SLC25A13: variants seen among roughly 807,000 people sequenced by gnomAD.
The protein encoded by SLC25A13 is electrogenic aspartate/glutamate antiporter SLC25A13, mitochondrial.
In SLC25A13, 70 loss-of-function variants were observed where a neutral mutation model predicts 85.5. That is an observed-to-expected ratio of 0.82 (90% CI 0.68 to 1.00). The LOEUF is 1.00. Among genes scored for constraint, SLC25A13 ranks in the 50% least tolerant of loss-of-function variants. The pLI is 0.00. For missense variants in SLC25A13, 765 were observed against 819.8 expected, an observed-to-expected ratio of 0.93 and a Z score of 0.82; for synonymous variants, 259 against 288.7, an observed-to-expected ratio of 0.90 and a Z score of 1.04.
chr7:96,320,047 C>T (rs1322363491), intron 1 of SLC25A13, among the ~76,000 whole-genome samples: 3 of 152,184 alleles, frequency 2.0e-5, no homozygotes, highest in Admixed American at 2.0e-4. Context: ...CTCTGTTGCC[C>T]AGACTGGAGT....
At chr7:96,214,620 A>C (rs1484350895) in intron 4 of SLC25A13, among the ~76,000 whole-genome samples, 1 of 152,002 alleles carries the variant, frequency 6.6e-6, no homozygotes, top group Non-Finnish European at 1.5e-5. Flanking sequence ...CCAGCTACTC[A>C]GGAGGCTGAG....
At position 96,138,398 on chromosome 7, in the gene SLC25A13, CTTTTTTT is replaced by C. The variant is rs751447641; in HGVS notation, c.1453-6524_1453-6518del. ...CAATTTGTTGCATTTTTTTCTTTTTCTTTTTTTTTTTTTTTGAAACAGAGTCTTGCTC... is the reference window on the plus strand; with the variant it reads ...CAATTTGTTGCATTTTTTTCTTTTTCTTTTTTTTGAAACAGAGTCTTGCTC... On this transcript the variant is annotated intron_variant, in intron 14 of 17. Transcript: ENST00000265631. Among the ~76,000 whole-genome samples the C allele has an allele frequency of 1.2e-4, 17 of 139,578 alleles. 1 individual carries two copies. The highest frequency in any genetic ancestry group is 4.3e-4 in the Admixed American group (6 of 13,898). 91.6% of individuals were successfully genotyped at this position (139,578 alleles called of 152,430 possible). A position where few individuals can be genotyped will look rare whatever the true frequency, so the allele number is the denominator to read the frequency against.
intron 3 of SLC25A13, among the ~76,000 whole-genome samples, chr7:96,235,763 G>C (rs532453039): frequency 2.6e-4 from 39 of 152,308 alleles, no homozygotes; most frequent in African/African-American, 8.7e-4. Context: ...CTTGAAGAAA[G>C]AAAAGGGCCT....
At chr7:96,153,472 A>G (rs1183398199) in intron 13 of SLC25A13, among the ~76,000 whole-genome samples, 2 of 152,218 alleles carry the variant, frequency 1.3e-5, no homozygotes, top group Non-Finnish European at 2.9e-5. Flanking sequence ...AACAGGTTAG[A>G]AGGTACAGCA....
chr7:96,267,436 T>G lies in SLC25A13; in HGVS notation c.212+9760A>C, dbSNP rs538169918. The stretch of plus-strand genomic sequence containing the variant: ...TTCTAAACTTTAGATTTCTTTTTCA[T>G]CTTTTCTTCTTTGATGCCTTTATTC... On this transcript the variant is annotated intron_variant, in intron 3 of 17. Transcript: ENST00000265631. Among the ~76,000 whole-genome samples, 3 of 152,334 alleles carry G rather than the reference T, an allele frequency of 2.0e-5. No individual in the cohort carries two copies. The South Asian group carries it at 6.2e-4, about 32-fold the overall frequency.
In SLC25A13 at chr7:96,136,591, C is replaced by CA. The variant is rs1221329055; in HGVS notation, c.1453-4711dup. 3.9e-5 allele frequency among the ~76,000 whole-genome samples: 6 copies of CA among 152,108 alleles called. No individual in the cohort carries two copies. In the East Asian group the frequency reaches 1.2e-3, roughly 29 times the overall value. On this transcript the variant is annotated intron_variant, in intron 14 of 17. Coordinates refer to ENST00000265631, the MANE Select transcript of SLC25A13 (RefSeq NM_014251.3). ...TGGTAAATCACCTGCCCAATCAATC[C>CA]AAAGTGGGGAAAAAACCAGTCCTGA...
At chr7:96,301,746 A>T (rs1479699463) in intron 1 of SLC25A13, among the ~76,000 whole-genome samples, 1 of 151,694 alleles carries the variant, frequency 6.6e-6, no homozygotes, top group Non-Finnish European at 1.5e-5. Flanking sequence ...CTCCCACCTC[A>T]GCCTCCTGAG....
intron 3 of SLC25A13, among the ~76,000 whole-genome samples, chr7:96,251,081 T>C: frequency 6.6e-6 from 1 of 151,846 alleles, no homozygotes; most frequent in East Asian, 1.9e-4. Flanking sequence ...CCCACATGTA[T>C]TATACAAGAT....
intron 3 of SLC25A13, among the ~76,000 whole-genome samples, chr7:96,270,372 A>G (rs905635011): frequency 3.3e-5 from 5 of 152,190 alleles, no homozygotes; most frequent in African/African-American, 1.2e-4. Context: ...CCTGGCCAAC[A>G]TGGTAAAACA....
At chr7:96,181,813 T>A (rs983288864) in intron 11 of SLC25A13, among the ~76,000 whole-genome samples, 1 of 152,198 alleles carries the variant, frequency 6.6e-6, no homozygotes, top group Non-Finnish European at 1.5e-5. Context: ...TATTGCTAGG[T>A]GAAAGCATTA....
chr7:96,159,808 G>A (rs1483986343), intron 13 of SLC25A13, among the ~76,000 whole-genome samples: 1 of 152,126 alleles, frequency 6.6e-6, no homozygotes, highest in Non-Finnish European at 1.5e-5. Flanking sequence ...TGGATTCTGA[G>A]AAAGATACCA....
chr7:96,171,501 C>A lies in SLC25A13; in HGVS notation c.1201G>T (p.Val401Phe). ...AGTTTTATGGCCTTCTCTGGGGCAA[C>A]TCCCAATAACTGTGGCAACAGACCT... ...YRGLLPQLLG[V>F]APEKAIKLTV... The change falls in exon 12 of 18, where the codon GTT becomes TTT. Residue 401 changes from valine (V) to phenylalanine (F), a missense_variant. Val to Phe is a conservative substitution (Grantham distance 50). Transcript: ENST00000265631. 6.2e-7 allele frequency: 1 copy of A among 1,613,420 alleles called. No individual in the cohort carries two copies.
At chr7:96,240,303 C>A (rs1796920085) in intron 3 of SLC25A13, among the ~76,000 whole-genome samples, 1 of 152,016 alleles carries the variant, frequency 6.6e-6, no homozygotes, top group African/African-American at 2.4e-5. Context: ...ACACATGACA[C>A]CAGAAGGAAG....
chr7:96,269,355 A>G (rs1021274344), intron 3 of SLC25A13, among the ~76,000 whole-genome samples: 2 of 152,192 alleles, frequency 1.3e-5, no homozygotes, highest in Non-Finnish European at 2.9e-5. Flanking sequence ...AGGCATTTAA[A>G]TTCCCTGCCC....
intron 3 of SLC25A13, among the ~76,000 whole-genome samples, chr7:96,260,329 A>G (rs1394235884): frequency 6.6e-6 from 1 of 152,148 alleles, no homozygotes; most frequent in East Asian, 1.9e-4. Flanking sequence ...GATCATATCA[A>G]AAAGGACAAA....
intron 13 of SLC25A13, among the ~76,000 whole-genome samples, chr7:96,147,059 T>A (rs1176796109): frequency 2.2e-5 from 1 of 45,836 alleles, no homozygotes; most frequent in Non-Finnish European, 3.9e-5. Flanking sequence ...AGCATTCGTA[T>A]CCAAATGAGG....
chr7:96,310,259 G>T (rs1799902931), intron 1 of SLC25A13, among the ~76,000 whole-genome samples: 1 of 152,038 alleles, frequency 6.6e-6, no homozygotes, highest in South Asian at 2.1e-4. Flanking sequence ...TGGTCATCAG[G>T]TCTCTTTGGG....
intron 3 of SLC25A13, among the ~76,000 whole-genome samples, chr7:96,272,039 C>T (rs961622143): frequency 1.3e-5 from 2 of 152,098 alleles, no homozygotes; most frequent in African/African-American, 4.8e-5. Flanking sequence ...GTTACGGCCA[C>T]CATGCCTGGC....
intron 1 of SLC25A13, among the ~76,000 whole-genome samples, chr7:96,317,681 G>T (rs1474427254): frequency 6.6e-6 from 1 of 151,924 alleles, no homozygotes; most frequent in African/African-American, 2.4e-5. Flanking sequence ...TGTAGTGGGA[G>T]CATTTCCATC....
Sources: allele counts gnomAD v4.1 joint callset (sites outside exome capture counted in the v4.1 genomes callset), GRCh38; gene constraint gnomAD v4.1.1; transcripts MANE v1.5; gene names NCBI Gene and HGNC (gene_info 2026-07-23, HGNC 2026-07-21).